Variants in RBFOX1 observed in about 807,000 individuals in gnomAD.
RBFOX1 encodes the protein RNA binding fox-1 homolog 1.
RBFOX1 carries 8 observed loss-of-function variants against 57.7 expected under a neutral mutation model. That is an observed-to-expected ratio of 0.14 (90% confidence interval 0.08 to 0.25). The LOEUF is 0.25. Ranked by LOEUF, RBFOX1 falls within the 10% of genes least tolerant of loss-of-function variation. RBFOX1 has a pLI of 1.00. For missense variants in RBFOX1, 611 were observed against 548.5 expected (o/e 1.11, Z -1.14); for synonymous variants, 326 against 222.4 (o/e 1.47, Z -4.15).
intron 3 of RBFOX1, among the ~76,000 whole-genome samples, chr16:6,954,546 C>G (rs1034742230): frequency 6.6e-6 from 1 of 152,098 alleles, no homozygotes; most frequent in African/African-American, 2.4e-5. Context: ...GCCAACTGTC[C>G]TCACCTGTTG....
intron 4 of RBFOX1, among the ~76,000 whole-genome samples, chr16:7,483,306 A>C (rs1484213730): frequency 6.6e-6 from 1 of 152,194 alleles, no homozygotes; most frequent in Non-Finnish European, 1.5e-5. Flanking sequence ...CGTTGGCTTC[A>C]CAATCTGGCA....
At chr16:7,496,594 G>A (rs572410137) in intron 4 of RBFOX1, among the ~76,000 whole-genome samples, 5 of 152,058 alleles carry the variant, frequency 3.3e-5, no homozygotes, top group Admixed American at 3.3e-4. Flanking sequence ...TACCCCCAAA[G>A]TGTGTGTTCA....
At chr16:7,698,432 G>T (rs865795126) in intron 14 of RBFOX1, among the ~76,000 whole-genome samples, 2 of 152,100 alleles carry the variant, frequency 1.3e-5, no homozygotes, top group South Asian at 2.1e-4. Flanking sequence ...ACTGTTCTCT[G>T]TGGGGCAGGT....
chr16:7,477,363 C>G (rs1474376144), intron 4 of RBFOX1, among the ~76,000 whole-genome samples: 1 of 152,066 alleles, frequency 6.6e-6, no homozygotes, highest in African/African-American at 2.4e-5. Flanking sequence ...TTGTGAGGAC[C>G]TGGGCTCCAG....
At position 7,175,957 on chromosome 16, in the gene RBFOX1, C is replaced by G. The variant is rs559562842; in HGVS notation, c.27+123859C>G. 6.6e-5 allele frequency among the ~76,000 whole-genome samples: 10 copies of G among 152,156 alleles called. No homozygotes were observed. The East Asian group carries it at 2.0e-3, about 30-fold the overall frequency. On this transcript the variant is annotated intron_variant, in intron 4 of 15. Coordinates refer to ENST00000550418, the MANE Select transcript of RBFOX1 (RefSeq NM_018723.4). ...TGCACAGACTTTTAAACCTGGAAAG[C>G]TGTAAATGCAGAAACTTAAGTATCT... is the stretch of plus-strand genomic sequence containing the variant.
Position 7,643,215 on chromosome 16 carries a change from T to C in RBFOX1, c.758-10600T>C, listed in dbSNP as rs2063144302. On this transcript the variant is annotated intron_variant, in intron 11 of 15. Transcript: ENST00000550418. ...ATGTGTGTGAATGGTGTGTGTGTCTTTTGCTGTTGCTTTAATTTGTTAAGT... is the reference window on the plus strand; with the variant it reads ...ATGTGTGTGAATGGTGTGTGTGTCTCTTGCTGTTGCTTTAATTTGTTAAGT... Among the ~76,000 whole-genome samples the C allele has an allele frequency of 2.0e-5, 3 of 152,318 alleles. No individual in the cohort carries two copies. The South Asian group carries it at 6.2e-4, about 32-fold the overall frequency.
At chr16:6,913,730 T>G (rs1011471864) in intron 3 of RBFOX1, among the ~76,000 whole-genome samples, 2 of 152,136 alleles carry the variant, frequency 1.3e-5, no homozygotes, top group African/African-American at 4.8e-5. Context: ...CGTACCCTCC[T>G]AGCCAAGCGT....
chr16:5,488,560 GGA>G (rs2042720962), intron 2 of RBFOX1, among the ~76,000 whole-genome samples: 1 of 31,502 alleles, frequency 3.2e-5, no homozygotes. Flanking sequence ...TGATAATGGA[GGA>G]TTATGGTGAT....
chr16:6,981,764 C>G (rs114547336), intron 3 of RBFOX1, among the ~76,000 whole-genome samples: 700 of 152,238 alleles, frequency 4.6e-3, no homozygotes, highest in African/African-American at 0.016. Context: ...TTATTTCCCG[C>G]CTGGTTCCCC....
At chr16:6,721,843 G>GC (rs2066057577) in intron 3 of RBFOX1, 1 of 153,226 alleles carries the variant, frequency 6.5e-6, no homozygotes, top group Non-Finnish European at 1.5e-5. Flanking sequence ...CACGCCTATT[G>GC]CAGGAGTATT....
intron 4 of RBFOX1, among the ~76,000 whole-genome samples, chr16:7,293,550 T>C (rs1009134260): frequency 1.2e-4 from 18 of 152,154 alleles, no homozygotes; most frequent in Non-Finnish European, 4.4e-5. Context: ...GTCTTTGTAA[T>C]GGAACCCAGA....
intron 3 of RBFOX1, among the ~76,000 whole-genome samples, chr16:6,935,636 A>G (rs918724667): frequency 6.6e-6 from 1 of 152,206 alleles, no homozygotes; most frequent in Non-Finnish European, 1.5e-5. Flanking sequence ...GCTCCCCTAC[A>G]TACTTTGCTG....
chr16:7,611,712 T>A (rs2057504930), intron 10 of RBFOX1, among the ~76,000 whole-genome samples: 1 of 152,158 alleles, frequency 6.6e-6, no homozygotes, highest in Non-Finnish European at 1.5e-5. Flanking sequence ...GGACCTTTAA[T>A]TACTATTTGC....
At chr16:5,701,468 G>T (rs1232756710) in intron 3 of RBFOX1, among the ~76,000 whole-genome samples, 1 of 100,636 alleles carries the variant, frequency 9.9e-6, no homozygotes, top group Non-Finnish European at 2.4e-5. Context: ...ATGTACAAAG[G>T]ATGGAAGATT....
chr16:6,541,951 T>C (rs1461485539), intron 2 of RBFOX1, among the ~76,000 whole-genome samples: 1 of 152,064 alleles, frequency 6.6e-6, no homozygotes, highest in African/African-American at 2.4e-5. Context: ...TCCCCCTTTT[T>C]TTTTTTAATT....
intron 4 of RBFOX1, among the ~76,000 whole-genome samples, chr16:5,998,291 C>G (rs1023280590): frequency 6.6e-6 from 1 of 152,202 alleles, no homozygotes; most frequent in Non-Finnish European, 1.5e-5. Context: ...TTCTCAACAG[C>G]TGGATCTATT....
chr16:6,064,160 C>G (rs1018894784), intron 1 of RBFOX1, among the ~76,000 whole-genome samples: 3 of 152,078 alleles, frequency 2.0e-5, no homozygotes, highest in African/African-American at 7.2e-5. Context: ...GATCATCTGT[C>G]TAGGATATTA....
At chr16:6,897,758 A>C (rs1382119757) in intron 3 of RBFOX1, among the ~76,000 whole-genome samples, 2 of 152,022 alleles carry the variant, frequency 1.3e-5, no homozygotes, top group East Asian at 1.9e-4. Context: ...ATGCTGTTAC[A>C]CTCCAGCCTT....
intron 4 of RBFOX1, among the ~76,000 whole-genome samples, chr16:6,005,476 G>C (rs1446154852): frequency 6.6e-6 from 1 of 152,238 alleles, no homozygotes; most frequent in East Asian, 1.9e-4. Context: ...ATACAGAAAT[G>C]ATTGGTGTAA....
Sources: allele counts gnomAD v4.1 joint callset (sites outside exome capture counted in the v4.1 genomes callset), GRCh38; gene constraint gnomAD v4.1.1; transcripts MANE v1.5; gene names NCBI Gene and HGNC (gene_info 2026-07-23, HGNC 2026-07-21).